Variants in YEATS4 observed in about 807,000 individuals in gnomAD.
YEATS4 encodes the protein YEATS domain-containing protein 4.
YEATS4 carries 17 observed loss-of-function variants against 30.1 expected under a neutral mutation model. The observed-to-expected ratio is 0.56, with a 90% CI of 0.39 to 0.85. The LOEUF is 0.85. YEATS4 is among the 40% of genes least tolerant of loss of function. The probability of loss-of-function intolerance (pLI) is 0.00; values close to 1 mark genes in which losing one functional copy is unlikely to be tolerated. For missense variants in YEATS4, 142 were observed against 268.3 expected (o/e 0.53, Z 3.29); for synonymous variants, 85 against 87.5 (o/e 0.97, Z 0.16).
the YEATS4 span, among the ~76,000 whole-genome samples, chr12:69,417,154 AT>A: frequency 0.058 from 3,921 of 68,092 alleles, 93 homozygotes; most frequent in African/African-American, 0.16. Context: ...TTTTTTAAAA[AT>A]TTTTTTTTTT....
the YEATS4 span, among the ~76,000 whole-genome samples, chr12:69,412,000 C>T: frequency 6.6e-6 from 1 of 152,142 alleles, no homozygotes; most frequent in East Asian, 1.9e-4. Context: ...CTGACTTCAA[C>T]TTGGAAAAGA....
At chr12:69,380,945 C>G (rs1303146262) in intron 6 of YEATS4, among the ~76,000 whole-genome samples, 1 of 152,070 alleles carries the variant, frequency 6.6e-6, no homozygotes. Flanking sequence ...ACATGCTTCA[C>G]AAGGTAATAA....
chr12:69,422,238 G>A, the YEATS4 span, among the ~76,000 whole-genome samples: 1 of 152,190 alleles, frequency 6.6e-6, no homozygotes, highest in East Asian at 1.9e-4. Flanking sequence ...GAGGGTCAAA[G>A]TGAATGAAGG....
chr12:69,403,576 C>CAAAA, the YEATS4 span, among the ~76,000 whole-genome samples: 9 of 87,130 alleles, frequency 1.0e-4, no homozygotes, highest in East Asian at 3.5e-4. Context: ...GACTCTGTCT[C>CAAAA]AAAAAAAAAA....
the YEATS4 span, among the ~76,000 whole-genome samples, chr12:69,416,864 G>A: frequency 6.6e-5 from 10 of 152,120 alleles, no homozygotes; most frequent in Non-Finnish European, 8.8e-5. Context: ...GGTGAGGTCT[G>A]GAGTTCGAGA....
At chr12:69,379,571 T>A (rs768397772) in intron 6 of YEATS4, among the ~76,000 whole-genome samples, 1 of 137,564 alleles carries the variant, frequency 7.3e-6, no homozygotes. Context: ...ATGCCACCAC[T>A]ATGCCCAGCT....
the YEATS4 span, among the ~76,000 whole-genome samples, chr12:69,408,337 A>G: frequency 6.6e-6 from 1 of 152,332 alleles, no homozygotes; most frequent in East Asian, 1.9e-4. Flanking sequence ...AGATGAGTGA[A>G]TTCAGTGTGG....
In YEATS4 at chr12:69,362,862, G is replaced by A. The variant is rs756623521; in HGVS notation, c.126G>A (p.Gly42=). ...TTGGAAAGAAAAGAGAAGAAGATGG[G>A]CACACTCATCAGTGGACAGTATATG... The part of the protein sequence containing the change: ...RYFGKKREED[G]HTHQWTVYVK... Residue 42 remains glycine, a synonymous_variant, in exon 2 of 7, where the codon GGG becomes GGA. Transcript: ENST00000247843. The A allele has an allele frequency of 7.4e-6, 12 of 1,612,384 alleles. No homozygotes were observed. The African/African-American group carries it at 1.3e-4, about 18-fold the overall frequency.
At chr12:69,389,483 AAATTTAAG>A (rs1868290781) in intron 6 of YEATS4, among the ~76,000 whole-genome samples, 1 of 151,620 alleles carries the variant, frequency 6.6e-6, no homozygotes, top group Non-Finnish European at 1.5e-5. Context: ...ACCTGTATAT[AAATTTAAG>A]AATACTTGTA....
intron 6 of YEATS4, among the ~76,000 whole-genome samples, chr12:69,383,575 T>C (rs961572333): frequency 6.6e-6 from 1 of 152,114 alleles, no homozygotes; most frequent in African/African-American, 2.4e-5. Flanking sequence ...ACTAGGTGCA[T>C]GTAATGTCCT....
intron 6 of YEATS4, among the ~76,000 whole-genome samples, chr12:69,375,675 C>T (rs1276831609): frequency 6.6e-6 from 1 of 152,142 alleles, no homozygotes; most frequent in African/African-American, 2.4e-5. Context: ...CCAAGGCTGG[C>T]AGATCACTCG....
At chr12:69,402,041 T>A in the YEATS4 span, among the ~76,000 whole-genome samples, 2 of 152,174 alleles carry the variant, frequency 1.3e-5, no homozygotes, top group African/African-American at 4.8e-5. Flanking sequence ...GAGGCGTTAG[T>A]CTTGTTTATC....
At chr12:69,413,352 TGAA>T in the YEATS4 span, among the ~76,000 whole-genome samples, 2 of 60,632 alleles carry the variant, frequency 3.3e-5, no homozygotes, top group Admixed American at 1.8e-4. Context: ...TGTCTCTAAA[TGAA>T]AAAAAAAAAA....
the YEATS4 span, among the ~76,000 whole-genome samples, chr12:69,399,667 C>T: frequency 6.6e-6 from 1 of 152,132 alleles, no homozygotes; most frequent in African/African-American, 2.4e-5. Context: ...GAAAACATGT[C>T]CACACAAAAA....
At chr12:69,398,397 T>G in the YEATS4 span, among the ~76,000 whole-genome samples, 1 of 152,102 alleles carries the variant, frequency 6.6e-6, no homozygotes, top group Non-Finnish European at 1.5e-5. Flanking sequence ...AATCAATTAG[T>G]TCCATACTCC....
chr12:69,375,224 G>A (rs1390970667), intron 6 of YEATS4, among the ~76,000 whole-genome samples: 4 of 151,866 alleles, frequency 2.6e-5, no homozygotes, highest in South Asian at 2.1e-4. Flanking sequence ...CCTCCCAGAC[G>A]GGGTGGCGGC....
downstream of YEATS4, among the ~76,000 whole-genome samples, chr12:69,391,285 C>T (rs978320130): frequency 4.0e-5 from 6 of 149,600 alleles, no homozygotes; most frequent in Admixed American, 1.3e-4. Flanking sequence ...CAGAATGAGA[C>T]TTCATCTCAA....
At position 69,360,076 on chromosome 12, in the gene YEATS4, C is replaced by T. The variant is rs116563415; in HGVS notation, c.51+53C>T. The T allele has an allele frequency of 8.2e-4, 1,297 of 1,589,386 alleles. 8 individuals carry two copies. In the African/African-American group the frequency reaches 0.016, roughly 19 times the overall value. On this transcript the variant is annotated intron_variant, in intron 1 of 6. Transcript: ENST00000247843. ...GGGTGGCTCTCCCGCCTCGGTTCCT[C>T]CCTGCGCGGCGCGGGGAGGGCCCAC... is the stretch of plus-strand genomic sequence containing the variant.
At chr12:69,386,374 C>G (rs554420072) in intron 6 of YEATS4, among the ~76,000 whole-genome samples, 1 of 152,316 alleles carries the variant, frequency 6.6e-6, no homozygotes, top group Admixed American at 6.5e-5. Context: ...ATACAGGACT[C>G]CTTGTCTTTA....
Sources: gnomAD v4.1 joint callset for allele counts (sites outside exome capture counted in the v4.1 genomes callset) on GRCh38, gnomAD v4.1.1 for gene constraint, MANE v1.5 for transcripts, NCBI Gene and HGNC (gene_info 2026-07-23, HGNC 2026-07-21) for gene names.